TFEC: variants seen among roughly 807,000 people sequenced by gnomAD.
The protein encoded by TFEC is transcription factor EC.
A neutral mutation model predicts 41.6 loss-of-function variants in TFEC; 31 were observed. The observed-to-expected ratio is 0.74, with a 90% confidence interval of 0.56 to 1.01. The LOEUF (loss-of-function observed/expected upper bound fraction) is 1.01, where lower values mean the gene tolerates loss of function less well. TFEC is among the 50% of genes least tolerant of loss of function. TFEC has a pLI of 0.00. For synonymous variants in TFEC, 143 were observed against 140.6 expected, an observed-to-expected ratio of 1.02 and a Z score of -0.12; for missense variants, 402 against 404.1, an observed-to-expected ratio of 0.99 and a Z score of 0.04.
chr7:116,147,555 T>TC (rs1798668414), intron 1 of TFEC, among the ~76,000 whole-genome samples: 1 of 101,946 alleles, frequency 9.8e-6, no homozygotes, highest in Admixed American at 1.1e-4. Context: ...CCCTTCCCCC[T>TC]CCCCCCACCC....
At chr7:116,038,429 G>A (rs933111521) in intron 3 of TFEC, among the ~76,000 whole-genome samples, 1 of 151,800 alleles carries the variant, frequency 6.6e-6, no homozygotes, top group African/African-American at 2.4e-5. Context: ...AGGCATAAAC[G>A]ACTGATAAGA....
chr7:116,053,011 G>C (rs911699356), intron 3 of TFEC, among the ~76,000 whole-genome samples: 1 of 151,996 alleles, frequency 6.6e-6, no homozygotes, highest in African/African-American at 2.4e-5. Context: ...GGCGGAGCTT[G>C]CAGTGAGCCA....
At chr7:115,998,141 G>C in intron 1 of TFEC, among the ~76,000 whole-genome samples, 1 of 151,890 alleles carries the variant, frequency 6.6e-6, no homozygotes, top group South Asian at 2.1e-4. Context: ...CTCAAAGAAG[G>C]CTACCTTAAG....
chr7:116,042,976 T>A (rs927146705), intron 3 of TFEC, among the ~76,000 whole-genome samples: 1 of 152,210 alleles, frequency 6.6e-6, no homozygotes, highest in Admixed American at 6.5e-5. Flanking sequence ...CATGTACTTT[T>A]GTTGCTAAAA....
At chr7:115,993,851 A>T (rs1794235708) in intron 1 of TFEC, among the ~76,000 whole-genome samples, 2 of 152,200 alleles carry the variant, frequency 1.3e-5, no homozygotes. Flanking sequence ...ATTGCAAAAA[A>T]CTACTTTAAA....
intron 2 of TFEC, among the ~76,000 whole-genome samples, chr7:115,980,816 A>C (rs1334753824): frequency 6.6e-6 from 1 of 152,008 alleles, no homozygotes; most frequent in Non-Finnish European, 1.5e-5. Context: ...ATAATAGTAA[A>C]CCATAGTGCT....
intron 3 of TFEC, among the ~76,000 whole-genome samples, chr7:116,086,034 A>G (rs1797196614): frequency 6.6e-6 from 1 of 151,792 alleles, no homozygotes; most frequent in African/African-American, 2.4e-5. Context: ...TCTATTCCTC[A>G]TTTTTAGAAT....
chr7:116,109,903 G>T lies in TFEC; in HGVS notation c.198+805C>A, dbSNP rs985471675. Among the ~76,000 whole-genome samples, 4 of 152,204 alleles carry T rather than the reference G, an allele frequency of 2.6e-5. No individual in the cohort carries two copies. In the East Asian group the frequency reaches 5.8e-4, roughly 22 times the overall value. ...TGGAATACTATGCAGCCATAAAAAA[G>T]GATGCATAGTATGTCCTTTGTAGGG... On this transcript the variant is annotated intron_variant, in intron 3 of 8. Coordinates refer to the TFEC transcript ENST00000484212.
At chr7:116,052,915 C>A (rs1562952488) in intron 3 of TFEC, among the ~76,000 whole-genome samples, 1 of 151,334 alleles carries the variant, frequency 6.6e-6, no homozygotes, top group East Asian at 2.0e-4. Flanking sequence ...TAAAAAAATA[C>A]AAAAAAATTA....
chr7:116,055,264 T>C (rs1796400204), intron 3 of TFEC, among the ~76,000 whole-genome samples: 1 of 152,120 alleles, frequency 6.6e-6, no homozygotes, highest in East Asian at 1.9e-4. Flanking sequence ...GTGTTTGAAG[T>C]TATGCTTTTA....
In TFEC at chr7:115,937,856, T is replaced by C. The variant is rs1793305383; in HGVS notation, c.*2695A>G. ...ATCTCTGAATGCATGTGAATTATTG[T>C]CCATATAAACAGTTCTATACTTTTC... On this transcript the variant is annotated 3_prime_UTR_variant, in exon 8 of 8. Transcript: ENST00000265440. 6.6e-6 allele frequency: 1 copy of C among 151,790 alleles called. No individual in the cohort carries two copies. The highest frequency in any genetic ancestry group is 6.6e-5 in the Admixed American group (1 of 15,202). The allele number at this position is 151,790 out of a possible 1,614,324, so 9.4% of individuals were successfully genotyped here.
At chr7:115,980,466 G>A (rs1476214372) in intron 2 of TFEC, among the ~76,000 whole-genome samples, 5 of 152,034 alleles carry the variant, frequency 3.3e-5, no homozygotes, top group Non-Finnish European at 7.4e-5. Context: ...GGAGATAATA[G>A]GGGCTGGGCA....
chr7:116,075,462 G>A (rs1391765066), intron 3 of TFEC, among the ~76,000 whole-genome samples: 3 of 152,132 alleles, frequency 2.0e-5, no homozygotes, highest in Non-Finnish European at 2.9e-5. Context: ...TTCTCAACAG[G>A]GAGGCTCGTG....
At chr7:116,014,331 G>A (rs1465393178) in intron 1 of TFEC, among the ~76,000 whole-genome samples, 7 of 151,786 alleles carry the variant, frequency 4.6e-5, no homozygotes, top group Admixed American at 3.3e-4. Flanking sequence ...TTCTTTGTAC[G>A]ATTTTTCCTC....
chr7:116,142,267 CAT>C (rs1798555807), intron 1 of TFEC, among the ~76,000 whole-genome samples: 2 of 152,192 alleles, frequency 1.3e-5, no homozygotes, highest in South Asian at 4.1e-4. Context: ...GTCTCTATGA[CAT>C]ACGCTAGCCA....
At chr7:116,036,254 T>C (rs1316615521) in intron 3 of TFEC, among the ~76,000 whole-genome samples, 1 of 152,060 alleles carries the variant, frequency 6.6e-6, no homozygotes, top group East Asian at 1.9e-4. Flanking sequence ...CCTCAGATGT[T>C]TCCCAGGCAG....
chr7:116,079,704 T>A (rs1584490281), intron 3 of TFEC, among the ~76,000 whole-genome samples: 1 of 152,148 alleles, frequency 6.6e-6, no homozygotes, highest in East Asian at 1.9e-4. Context: ...TGGAAACACA[T>A]CCCAGATGCA....
At chr7:115,958,342 T>C (rs1253985704) in intron 3 of TFEC, among the ~76,000 whole-genome samples, 1 of 151,908 alleles carries the variant, frequency 6.6e-6, no homozygotes, top group African/African-American at 2.4e-5. Flanking sequence ...AAAGTGTAAA[T>C]TTTCCAAGGT....
At chr7:116,039,114 G>A (rs1430964398) in intron 3 of TFEC, among the ~76,000 whole-genome samples, 1 of 108,218 alleles carries the variant, frequency 9.2e-6, no homozygotes, top group Non-Finnish European at 2.0e-5. Flanking sequence ...GCTAAGTGAG[G>A]ACTAGAATAT....
Sources: gnomAD v4.1 joint callset for allele counts (sites outside exome capture counted in the v4.1 genomes callset) on GRCh38, gnomAD v4.1.1 for gene constraint, MANE v1.5 for transcripts, NCBI Gene and HGNC (gene_info 2026-07-23, HGNC 2026-07-21) for gene names.